The following DIP2C variants were observed in gnomAD, a reference collection of about 807,000 sequenced individuals.
DIP2C encodes the protein DIP2 acetate--CoA ligase C (putative).
A neutral mutation model predicts 192.4 loss-of-function variants in DIP2C; 33 were observed. That is an observed-to-expected ratio of 0.17 (90% CI 0.13 to 0.23). The LOEUF (loss-of-function observed/expected upper bound fraction) is 0.23, where lower values mean the gene tolerates loss of function less well. Ranked by LOEUF, DIP2C falls within the 10% of genes least tolerant of loss-of-function variation. The pLI is 1.00. For synonymous variants in DIP2C, 979 were observed against 864.1 expected (o/e 1.13, Z -2.33); for missense variants, 1,537 against 2,110.1 (o/e 0.73, Z 5.32).
intron 11 of DIP2C, 61 bp downstream of exon 11, chr10:390,679 C>T (rs1963391983): frequency 6.3e-7 from 1 of 1,575,348 alleles, no homozygotes; most frequent in South Asian, 1.2e-5. Context: ...TGACGTATTC[C>T]CGCACCCGTC....
intron 1 of DIP2C, among the ~76,000 whole-genome samples, chr10:531,565 G>A (rs115864541): frequency 5.9e-5 from 9 of 152,146 alleles, no homozygotes; most frequent in Non-Finnish European, 7.3e-5. Context: ...CCAGTCTGAC[G>A]GAAGCGTCTA....
intron 31 of DIP2C, among the ~76,000 whole-genome samples, chr10:321,424 T>A (rs1357840973): frequency 6.6e-6 from 1 of 152,202 alleles, no homozygotes; most frequent in Non-Finnish European, 1.5e-5. Flanking sequence ...CCTCTCTCTT[T>A]TGGACAATGT....
At chr10:399,072 A>T in intron 10 of DIP2C, 37 bp downstream of exon 10, 9 of 1,545,840 alleles carry the variant, frequency 5.8e-6, no homozygotes, top group Non-Finnish European at 8.0e-6. Context: ...AAGCCATCTC[A>T]CTCAGCGAGA....
intron 1 of DIP2C, among the ~76,000 whole-genome samples, chr10:615,785 T>TA (rs1289980835): frequency 1.3e-5 from 2 of 152,174 alleles, no homozygotes; most frequent in Non-Finnish European, 2.9e-5. Flanking sequence ...AATCTGCGTC[T>TA]CATGCGTGAG....
chr10:277,524 G>A lies in DIP2C; in HGVS notation c.4472C>T (p.Ser1491Leu), dbSNP rs761507044. ...AACCAGGTCCAAGGCTTCTTGTTCCGACCCATCCAGCTCAACCACAACCAC... is the reference window on the plus strand; with the variant it reads ...AACCAGGTCCAAGGCTTCTTGTTCCAACCCATCCAGCTCAACCACAACCAC... ...LLVVVVELDG[S>L]EQEALDLVPL... Residue 1491 changes from serine to leucine, a missense_variant, in exon 37 of 37, where the codon TCG becomes TTG. Ser to Leu is a moderately radical substitution (Grantham distance 145, BLOSUM62 -2). This residue lies in a region of DIP2C where 341 missense variants were observed against 551.7 expected (regional missense o/e 0.62). Transcript: ENST00000280886. 26 of 1,613,978 alleles carry A rather than the reference G, an allele frequency of 1.6e-5. No individual in the cohort carries two copies. Among genetic ancestry groups the A allele is most frequent in the East Asian group, 6.7e-5 (3 of 44,892 alleles).
intron 34 of DIP2C, among the ~76,000 whole-genome samples, chr10:284,937 C>T (rs532712995): frequency 1.3e-5 from 2 of 152,286 alleles, no homozygotes; most frequent in Admixed American, 6.5e-5. Flanking sequence ...CAGTTCTGGC[C>T]ACCCTCAGAG....
intron 2 of DIP2C, among the ~76,000 whole-genome samples, chr10:480,704 C>T (rs1015930949): frequency 2.6e-5 from 4 of 152,326 alleles, no homozygotes; most frequent in East Asian, 1.9e-4. Flanking sequence ...ACGAGGAATG[C>T]GATTCATTAA....
chr10:372,635 T>C (rs1402785307), intron 17 of DIP2C, among the ~76,000 whole-genome samples: 1 of 151,566 alleles, frequency 6.6e-6, no homozygotes, highest in Non-Finnish European at 1.5e-5. Context: ...GATTCTTTCC[T>C]TGCAGATGTG....
At chr10:381,302 G>T (rs1255207740) in intron 17 of DIP2C, among the ~76,000 whole-genome samples, 1 of 152,254 alleles carries the variant, frequency 6.6e-6, no homozygotes, top group African/African-American at 2.4e-5. Context: ...ATGAGACTGA[G>T]TGATGGAGGG....
At chr10:419,309 T>TGA (rs1185379365) in intron 5 of DIP2C, 110 bp from the exon 6 acceptor site, 1 of 1,508,624 alleles carries the variant, frequency 6.6e-7, no homozygotes, top group Non-Finnish European at 9.0e-7. Flanking sequence ...ACCCTGGGTG[T>TGA]GCCATGGAAA....
chr10:367,267 A>C (rs1960369135), intron 18 of DIP2C, among the ~76,000 whole-genome samples: 1 of 152,132 alleles, frequency 6.6e-6, no homozygotes, highest in South Asian at 2.1e-4. Context: ...AATACAAAAA[A>C]GTAGCCGGGC....
chr10:321,127 T>A (rs1276674960), intron 31 of DIP2C, among the ~76,000 whole-genome samples: 1 of 152,204 alleles, frequency 6.6e-6, no homozygotes, highest in East Asian at 1.9e-4. Flanking sequence ...AGCCGATTTT[T>A]GCAAAGTAAA....
intron 29 of DIP2C, among the ~76,000 whole-genome samples, chr10:338,702 C>T (rs4514333): frequency 0.96 from 145,515 of 152,258 alleles, 69,869 homozygotes; most frequent in East Asian, 1. Flanking sequence ...CACACGGAGC[C>T]GATCTCCCTC....
intron 1 of DIP2C, among the ~76,000 whole-genome samples, chr10:511,752 C>G (rs1846027093): frequency 6.6e-6 from 1 of 152,150 alleles, no homozygotes; most frequent in South Asian, 2.1e-4. Context: ...CGAACAGGAG[C>G]TAGAGAGAGA....
intron 1 of DIP2C, among the ~76,000 whole-genome samples, chr10:608,221 AC>A (rs1177977276): frequency 2.2e-4 from 4 of 17,820 alleles, no homozygotes; most frequent in East Asian, 4.8e-3. Context: ...GCCCCCCCAC[AC>A]ACACCCCCAC....
chr10:615,819 T>TGC (rs1853434228), intron 1 of DIP2C, among the ~76,000 whole-genome samples: 1 of 152,158 alleles, frequency 6.6e-6, no homozygotes, highest in South Asian at 2.1e-4. Context: ...AAACAGACAT[T>TGC]GCGCCTGTGT....
chr10:580,968 A>C (rs1170706880), intron 1 of DIP2C, among the ~76,000 whole-genome samples: 1 of 152,184 alleles, frequency 6.6e-6, no homozygotes, highest in African/African-American at 2.4e-5. Context: ...TTTGAGACAA[A>C]GCCTCTTATT....
At chr10:606,385 C>G (rs1320566759) in intron 1 of DIP2C, among the ~76,000 whole-genome samples, 3 of 151,374 alleles carry the variant, frequency 2.0e-5, no homozygotes, top group Admixed American at 1.3e-4. Flanking sequence ...GGGAGGGGAT[C>G]TCACGGCCCC....
intron 1 of DIP2C, among the ~76,000 whole-genome samples, chr10:635,728 G>A (rs1027202618): frequency 9.2e-5 from 14 of 152,218 alleles, no homozygotes; most frequent in African/African-American, 7.2e-5. Flanking sequence ...TGGGCACTGG[G>A]CGCTCAGGCT....
Sources: gnomAD v4.1 joint callset for allele counts (sites outside exome capture counted in the v4.1 genomes callset) on GRCh38, gnomAD v4.1.1 for gene constraint, gnomAD v4.1.1 regional missense constraint, MANE v1.5 for transcripts, NCBI Gene and HGNC (gene_info 2026-07-23, HGNC 2026-07-21) for gene names.